HMGCS2: variants seen among roughly 807,000 people sequenced by gnomAD.
HMGCS2 encodes the protein 3-hydroxy-3-methylglutaryl-CoA synthase 2, also known as hydroxymethylglutaryl-CoA synthase, mitochondrial.
In HMGCS2, 50 loss-of-function variants were observed where a neutral mutation model predicts 57.4. The observed-to-expected ratio is 0.87, with a 90% confidence interval of 0.69 to 1.10. The LOEUF is 1.10. Among genes scored for constraint, HMGCS2 ranks in the 50% least tolerant of loss-of-function variants. The probability of loss-of-function intolerance (pLI) is 0.00; values close to 1 mark genes in which losing one functional copy is unlikely to be tolerated. For synonymous variants in HMGCS2, 254 were observed against 245.1 expected (o/e 1.04, Z -0.34); for missense variants, 627 against 636.5 (o/e 0.99, Z 0.16).
intron 1 of HMGCS2, among the ~76,000 whole-genome samples, chr1:119,766,785 A>G (rs1232913549): frequency 1.3e-5 from 2 of 151,752 alleles, no homozygotes; most frequent in Admixed American, 6.6e-5. Flanking sequence ...TGCAAGAAGA[A>G]GCTTAGAATG....
intron 2 of HMGCS2, among the ~76,000 whole-genome samples, chr1:119,763,695 A>AAT (rs985800485): frequency 6.6e-6 from 1 of 152,240 alleles, no homozygotes; most frequent in African/African-American, 2.4e-5. Flanking sequence ...AAAGAGTAGA[A>AAT]ATACTCACAG....
rs763901461 is a variant in HMGCS2, at chr1:119,768,767, A to T, written c.78T>A (p.Ala26=). Residue 26 remains alanine (A), a synonymous_variant, in exon 1 of 10, where the codon GCT becomes GCA. Transcript: ENST00000369406. The part of the protein sequence containing the change: ...RAVQETSLTP[A]RLLPVAHQRF... Reference sequence around the variant, plus strand: ...TTTGGTGGGCTACTGGGAGCAGGCGAGCAGGTGTGAGGGAGGTTTCCTGCA... The same window carrying T: ...TTTGGTGGGCTACTGGGAGCAGGCGTGCAGGTGTGAGGGAGGTTTCCTGCA... The T allele has an allele frequency of 1.2e-6, 2 of 1,613,980 alleles. No homozygotes were observed. The highest frequency in any genetic ancestry group is 1.7e-6 in the Non-Finnish European group (2 of 1,179,894).
At chr1:119,760,831 C>T (rs1653012657) in intron 2 of HMGCS2, among the ~76,000 whole-genome samples, 1 of 152,076 alleles carries the variant, frequency 6.6e-6, no homozygotes, top group African/African-American at 2.4e-5. Flanking sequence ...ATAATTTAAT[C>T]CTCATGATAA....
At chr1:119,755,725 G>T in intron 5 of HMGCS2, 128 bp from the exon 6 acceptor site, 1 of 856,862 alleles carries the variant, frequency 1.2e-6, no homozygotes, top group Non-Finnish European at 2.0e-6. Flanking sequence ...TGGAAATACA[G>T]AACAGTACAG....
intron 1 of HMGCS2, among the ~76,000 whole-genome samples, chr1:119,765,380 C>T (rs964512133): frequency 2.6e-5 from 4 of 152,232 alleles, no homozygotes; most frequent in Non-Finnish European, 4.4e-5. Flanking sequence ...GCGTGAGCCA[C>T]CACGCCCAGC....
chr1:119,765,404 A>G (rs1653194868), intron 1 of HMGCS2, among the ~76,000 whole-genome samples: 1 of 152,020 alleles, frequency 6.6e-6, no homozygotes, highest in East Asian at 1.9e-4. Flanking sequence ...AACTAAGTCT[A>G]TTTTTTTATT....
rs112728097 is a variant in HMGCS2, at chr1:119,760,285, C to T, written c.560-296G>A. Among the ~76,000 whole-genome samples, 562 of 152,272 alleles carry T rather than the reference C, an allele frequency of 3.7e-3. 3 individuals are homozygous for T. The highest frequency in any genetic ancestry group is 0.013 in the African/African-American group (543 of 41,544). Reference sequence around the variant, plus strand: ...GAGACAATTCAGGTTTGGGTTTGTACCCATCTCCTTATAGCACACCATGAT... The same window carrying T: ...GAGACAATTCAGGTTTGGGTTTGTATCCATCTCCTTATAGCACACCATGAT... On this transcript the variant is annotated intron_variant, in intron 2 of 9. Coordinates refer to ENST00000369406, the MANE Select transcript of HMGCS2 (RefSeq NM_005518.4).
chr1:119,754,135 C>T (rs1652759304), intron 6 of HMGCS2, among the ~76,000 whole-genome samples: 1 of 151,622 alleles, frequency 6.6e-6, no homozygotes, highest in Non-Finnish European at 1.5e-5. Context: ...CAGCTCACTG[C>T]AACTTCTGCC....
rs587638807 is a variant in HMGCS2 at position 119,751,645 on chromosome 1, T to A, written c.1421-737A>T. Among the ~76,000 whole-genome samples the A allele has an allele frequency of 3.9e-5, 6 of 152,284 alleles. No homozygotes were observed. The East Asian group carries it at 1.2e-3, about 29-fold the overall frequency. On this transcript the variant is annotated intron_variant, in intron 8 of 9. Transcript: ENST00000369406. Reference sequence around the variant, plus strand: ...CTGGTCTCAAACTCCTGGCCTCAAGTGATCCACCTGCCTCTGCCTCCCAAA... The same window carrying A: ...CTGGTCTCAAACTCCTGGCCTCAAGAGATCCACCTGCCTCTGCCTCCCAAA...
chr1:119,759,871 C>T lies in HMGCS2; in HGVS notation c.678G>A (p.Leu226=). 2 of 1,614,160 alleles carry T rather than the reference C, an allele frequency of 1.2e-6. No individual in the cohort carries two copies. The highest frequency in any genetic ancestry group is 3.3e-5 in the Admixed American group (2 of 60,026). ...MLIGPKAPLA[L]ERGLRGTHME... ...TAATGGATTACTACAAACCTCGCTC[C>T]AGGGCCAGAGGGGCCTTGGGCCCAA... Residue 226 remains leucine (L), a synonymous_variant, in exon 3 of 10, where the codon CTG becomes CTA. Transcript: ENST00000369406.
At chr1:119,754,837 C>T in intron 6 of HMGCS2, among the ~76,000 whole-genome samples, 1 of 152,152 alleles carries the variant, frequency 6.6e-6, no homozygotes, top group East Asian at 1.9e-4. Context: ...AATATGCATA[C>T]CAAAGCTACT....
At chr1:119,752,266 C>G (rs888540373) in intron 8 of HMGCS2, among the ~76,000 whole-genome samples, 30 of 152,238 alleles carry the variant, frequency 2.0e-4, no homozygotes, top group Non-Finnish European at 8.8e-5. Flanking sequence ...ATGGTATTTT[C>G]AAAGACTATA....
At chr1:119,757,230 T>C (rs750623542) in intron 5 of HMGCS2, 43 bp downstream of exon 5, 15 of 1,613,502 alleles carry the variant, frequency 9.3e-6, no homozygotes, top group African/African-American at 1.3e-5. Flanking sequence ...TCCTTCTTGC[T>C]CACACCTCAC....
chr1:119,764,146 T>C (rs1293228679), intron 2 of HMGCS2, 26 bp downstream of exon 2: 1 of 1,605,204 alleles, frequency 6.2e-7, no homozygotes, highest in Non-Finnish European at 8.5e-7. Context: ...GCACCTTTCT[T>C]ACATAAGGTT....
chr1:119,755,447 G>C lies in HMGCS2; in HGVS notation c.1167C>G (p.Cys389Trp), dbSNP rs754826235. 4 of 1,614,070 alleles carry C rather than the reference G, an allele frequency of 2.5e-6. No homozygotes were observed. Among genetic ancestry groups the C allele is most frequent in the Non-Finnish European group, 3.4e-6 (4 of 1,180,030 alleles). ...GNMYTSSLYGCLASLLSHHSA... is the reference protein window; with the variant it reads ...GNMYTSSLYGWLASLLSHHSA... ...CTCACTGGGACAGAAGCGAGGCCAG[G>C]CACCCGTACAGGGATGAGGTGTACA... Residue 389 changes from cysteine to tryptophan, a missense_variant, in exon 6 of 10, where the codon TGC becomes TGG. Physicochemically the swap from Cys to Trp is radical, Grantham distance 215. Transcript: ENST00000369406.
At chr1:119,749,394 C>G (rs967145658) in intron 9 of HMGCS2, among the ~76,000 whole-genome samples, 1 of 132,838 alleles carries the variant, frequency 7.5e-6, no homozygotes, top group Non-Finnish European at 1.7e-5. Flanking sequence ...CTCCCTTTCC[C>G]CCCTCCCTCC....
At chr1:119,751,461 G>A (rs1652659012) in intron 8 of HMGCS2, among the ~76,000 whole-genome samples, 2 of 151,252 alleles carry the variant, frequency 1.3e-5, no homozygotes, top group Non-Finnish European at 2.9e-5. Flanking sequence ...CTGCCTCCTG[G>A]GTTCAAGTAA....
intron 2 of HMGCS2, among the ~76,000 whole-genome samples, chr1:119,762,870 G>A (rs1653093680): frequency 6.6e-6 from 1 of 152,134 alleles, no homozygotes; most frequent in Non-Finnish European, 1.5e-5. Context: ...ATTTGAAATG[G>A]CATGCTTAAG....
chr1:119,759,948 G>C lies in HMGCS2; in HGVS notation c.601C>G (p.Pro201Ala), dbSNP rs1439432172. ...CCTGTGGGACGAGCATTACCACTGG[G>C]ATAGACGGCAATGTCTCCACAGACC... ...MVVCGDIAVY[P>A]SGNARPTGGA... The change falls in exon 3 of 10, where the codon CCC becomes GCC. Residue 201 changes from proline (P) to alanine (A), a missense_variant. Coordinates refer to ENST00000369406, the MANE Select transcript of HMGCS2 (RefSeq NM_005518.4). The C allele has an allele frequency of 1.9e-6, 3 of 1,614,028 alleles. No homozygotes were observed. The Admixed American group carries it at 5.0e-5, about 27-fold the overall frequency.
Sources: gnomAD v4.1 joint callset for allele counts (sites outside exome capture counted in the v4.1 genomes callset) on GRCh38, gnomAD v4.1.1 for gene constraint, MANE v1.5 for transcripts, NCBI Gene and HGNC (gene_info 2026-07-23, HGNC 2026-07-21) for gene names.